Variants in CADPS observed in about 807,000 individuals in gnomAD.
CADPS encodes calcium dependent secretion activator.
Under a neutral mutation model 167.3 loss-of-function variants are expected in CADPS, and 57 were observed. The ratio of observed to expected loss-of-function variants is 0.34; its 90% CI spans 0.28 to 0.42. The LOEUF is 0.42. CADPS is among the 20% of genes least tolerant of loss of function. The pLI is 1.00. For missense variants in CADPS, 1,414 were observed against 1,738.1 expected, an observed-to-expected ratio of 0.81 and a Z score of 3.32; for synonymous variants, 676 against 635.3, an observed-to-expected ratio of 1.06 and a Z score of -0.96.
intron 1 of CADPS, among the ~76,000 whole-genome samples, chr3:62,781,749 C>T (rs926139350): frequency 1.3e-5 from 2 of 151,996 alleles, no homozygotes; most frequent in Admixed American, 6.6e-5. Flanking sequence ...GCCAAGCAGA[C>T]GGCAAGATGG....
chr3:62,470,524 A>G (rs2060465188), intron 24 of CADPS: 1 of 152,220 alleles, frequency 6.6e-6, no homozygotes, highest in African/African-American at 2.4e-5. Context: ...TTTCCATATG[A>G]CTTTCCATTG....
intron 24 of CADPS, chr3:62,466,630 T>G: frequency 1.7e-6 from 1 of 592,800 alleles, no homozygotes; most frequent in Non-Finnish European, 3.0e-6. Flanking sequence ...TGTTCCTTAC[T>G]CAAGGCTTTC....
chr3:62,652,468 A>C (rs909245359), intron 4 of CADPS, among the ~76,000 whole-genome samples: 5 of 151,712 alleles, frequency 3.3e-5, no homozygotes, highest in African/African-American at 7.3e-5. Flanking sequence ...TGAACCAACT[A>C]ATTTTATTAG....
intron 1 of CADPS, among the ~76,000 whole-genome samples, chr3:62,773,160 T>C (rs1329776915): frequency 6.6e-6 from 1 of 152,062 alleles, no homozygotes; most frequent in Non-Finnish European, 1.5e-5. Flanking sequence ...AAAATTTATA[T>C]TGGGCCATGA....
At chr3:62,557,263 T>C in intron 10 of CADPS, 142 bp downstream of exon 10, 4 of 635,726 alleles carry the variant, frequency 6.3e-6, no homozygotes, top group Admixed American at 2.5e-5. Context: ...TCAGGGATTG[T>C]GACTGTCATG....
Position 62,430,304 on chromosome 3 carries a change from T to C in CADPS, c.3777+7800A>G, listed in dbSNP as rs528577497. ...ATTAATTGTTATCACTTACTTGTAA[T>C]TGTGAAGCCCATGGGGGAAGAGGGG... On this transcript the variant is annotated intron_variant, in intron 28 of 29. Transcript: ENST00000383710. Among the ~76,000 whole-genome samples, 11 of 152,296 alleles carry C rather than the reference T, an allele frequency of 7.2e-5. No homozygotes were observed. In the South Asian group the frequency reaches 1.7e-3, roughly 23 times the overall value.
chr3:62,727,099 A>G (rs963414277), intron 3 of CADPS, among the ~76,000 whole-genome samples: 2 of 151,860 alleles, frequency 1.3e-5, no homozygotes, highest in Non-Finnish European at 2.9e-5. Context: ...AGATATCTAG[A>G]TATCTATCTC....
intron 16 of CADPS, 97 bp downstream of exon 16, chr3:62,515,962 A>G: frequency 6.9e-7 from 1 of 1,453,792 alleles, no homozygotes; most frequent in Non-Finnish European, 9.5e-7. Context: ...ACTCAGACGG[A>G]CCACTGTTTT....
intron 3 of CADPS, among the ~76,000 whole-genome samples, chr3:62,729,062 A>G (rs523452): frequency 0.33 from 50,335 of 151,770 alleles, 9,562 homozygotes; most frequent in African/African-American, 0.5. Context: ...TTCTATCATT[A>G]CATGCTTTTG....
chr3:62,730,619 G>T (rs2077584855), intron 3 of CADPS, among the ~76,000 whole-genome samples: 1 of 152,152 alleles, frequency 6.6e-6, no homozygotes, highest in Non-Finnish European at 1.5e-5. Flanking sequence ...TGAATATTCT[G>T]CAGGCCACTC....
At chr3:62,475,244 A>G (rs916043875) in intron 23 of CADPS, among the ~76,000 whole-genome samples, 6 of 152,194 alleles carry the variant, frequency 3.9e-5, no homozygotes, top group Non-Finnish European at 5.9e-5. Flanking sequence ...TATCCTTGAC[A>G]TCAGCATTGT....
intron 3 of CADPS, among the ~76,000 whole-genome samples, chr3:62,674,661 G>A (rs35310200): frequency 0.079 from 12,048 of 152,114 alleles, 629 homozygotes; most frequent in Non-Finnish European, 0.12. Flanking sequence ...GGGAGAAAAA[G>A]AACGAACTAA....
At chr3:62,407,762 T>G (rs1454235994) in intron 28 of CADPS, among the ~76,000 whole-genome samples, 2 of 152,134 alleles carry the variant, frequency 1.3e-5, no homozygotes, top group East Asian at 3.9e-4. Flanking sequence ...TGAGACAGAG[T>G]CTTGCTCTGT....
intron 4 of CADPS, among the ~76,000 whole-genome samples, chr3:62,656,365 AACCC>A (rs1317852587): frequency 6.6e-6 from 1 of 152,190 alleles, no homozygotes; most frequent in Non-Finnish European, 1.5e-5. Context: ...TCCTTCCAAC[AACCC>A]ACTGATGCAC....
At chr3:62,474,851 A>T (rs7643122) in intron 23 of CADPS, among the ~76,000 whole-genome samples, 8,809 of 152,240 alleles carry the variant, frequency 0.058, 365 homozygotes, top group Admixed American at 0.11. Flanking sequence ...AGTGTATTAC[A>T]TTGCTTTAAA....
At chr3:62,786,500 G>C (rs1204199280) in intron 1 of CADPS, among the ~76,000 whole-genome samples, 1 of 152,082 alleles carries the variant, frequency 6.6e-6, no homozygotes, top group East Asian at 1.9e-4. Flanking sequence ...CATTAGCTAG[G>C]TATGGTGTCA....
intron 6 of CADPS, among the ~76,000 whole-genome samples, chr3:62,616,469 AT>A (rs34808237): frequency 0.52 from 78,987 of 151,934 alleles, 21,006 homozygotes; most frequent in South Asian, 0.74. Flanking sequence ...CTGATACATA[AT>A]TTAGCTCTTC....
chr3:62,456,474 G>A (rs567348446), intron 26 of CADPS, among the ~76,000 whole-genome samples: 1 of 152,226 alleles, frequency 6.6e-6, no homozygotes, highest in Non-Finnish European at 1.5e-5. Flanking sequence ...CCCGTCCTCT[G>A]TTACAAATGA....
chr3:62,801,042 G>A (rs2093730799), intron 1 of CADPS, among the ~76,000 whole-genome samples: 1 of 152,070 alleles, frequency 6.6e-6, no homozygotes, highest in Non-Finnish European at 1.5e-5. Context: ...TTTAAGTCCT[G>A]GTTTCCCCAC....
Sources: allele counts gnomAD v4.1 joint callset (sites outside exome capture counted in the v4.1 genomes callset), GRCh38; gene constraint gnomAD v4.1.1; transcripts MANE v1.5; gene names NCBI Gene and HGNC (gene_info 2026-07-23, HGNC 2026-07-21).